The following IL1RAPL2 variants were observed in gnomAD, a reference collection of about 807,000 sequenced individuals.
IL1RAPL2 encodes the protein interleukin 1 receptor accessory protein like 2, also known as X-linked interleukin-1 receptor accessory protein-like 2.
Under a neutral mutation model 44.1 loss-of-function variants are expected in IL1RAPL2, and 3 were observed. That is an observed-to-expected ratio of 0.07 (90% CI 0.03 to 0.18). The LOEUF (loss-of-function observed/expected upper bound fraction) is 0.18. Ranked by LOEUF, IL1RAPL2 falls within the 10% of genes least tolerant of loss-of-function variation. The pLI, the probability that IL1RAPL2 is intolerant of heterozygous loss-of-function variation, is 1.00. For missense variants in IL1RAPL2, 391 were observed against 496.4 expected, an observed-to-expected ratio of 0.79 and a Z score of 2.02; for synonymous variants, 181 against 178.8, an observed-to-expected ratio of 1.01 and a Z score of -0.10.
intron 2 of IL1RAPL2, among the ~76,000 whole-genome samples, chrX:105,083,714 A>C (rs1428184996): frequency 8.0e-5 from 9 of 112,015 alleles, no homozygotes; most frequent in Non-Finnish European, 1.5e-4. Context: ...TATCCAGCCA[A>C]ATAAGTTTCA....
chrX:104,664,134 G>A (rs1330783920), intron 2 of IL1RAPL2, among the ~76,000 whole-genome samples: 1 of 111,143 alleles, frequency 9.0e-6, no homozygotes, highest in East Asian at 2.8e-4. Context: ...GTTTTAGCTG[G>A]ATGCCCAGAT....
chrX:105,402,163 T>C (rs1602395558), intron 5 of IL1RAPL2, among the ~76,000 whole-genome samples: 1 of 111,807 alleles, frequency 8.9e-6, no homozygotes, highest in Non-Finnish European at 1.9e-5. Context: ...TTTTGACTCC[T>C]TTTTTAAAAT....
intron 2 of IL1RAPL2, among the ~76,000 whole-genome samples, chrX:104,947,916 A>G (rs1452685356): frequency 9.0e-6 from 1 of 111,669 alleles, no homozygotes; most frequent in Admixed American, 9.5e-5. Context: ...TTTTGGTTCC[A>G]TATGAACTTT....
rs142689814 is a variant in IL1RAPL2 at position 105,382,952 on chromosome X, C to G, written c.698-101361C>G. Among the ~76,000 whole-genome samples, 894 of 79,433 alleles carry G rather than the reference C, an allele frequency of 0.011. 43 individuals are homozygous for G. In the East Asian group the frequency reaches 0.14, roughly 12 times the overall value. 69.0% of individuals were successfully genotyped at this position (79,433 alleles called of 115,157 possible). A position where few individuals can be genotyped will look rare whatever the true frequency, so the allele number is the denominator to read the frequency against. ...CATGGGCACAGAAAGGGGAACATCA[C>G]ACACTGGGGCCTGTTGTGGGGTGGG... On this transcript the variant is annotated intron_variant, in intron 5 of 10. Transcript: ENST00000372582.
At chrX:105,503,905 G>A in intron 6 of IL1RAPL2, among the ~76,000 whole-genome samples, 1 of 111,349 alleles carries the variant, frequency 9.0e-6, no homozygotes, top group Non-Finnish European at 1.9e-5. Flanking sequence ...CACTCTTCAT[G>A]TAAGGTCACC....
chrX:104,903,122 AC>A (rs1923866566), intron 2 of IL1RAPL2, among the ~76,000 whole-genome samples: 1 of 111,624 alleles, frequency 9.0e-6, no homozygotes, highest in Admixed American at 9.6e-5. Context: ...AATAGCCAAA[AC>A]CTTTTTATTC....
At chrX:105,271,594 T>C (rs1180687907) in intron 5 of IL1RAPL2, among the ~76,000 whole-genome samples, 2 of 110,818 alleles carry the variant, frequency 1.8e-5, no homozygotes, top group African/African-American at 3.3e-5. Context: ...TCTCTAGGGA[T>C]AAGAAGAGAA....
chrX:105,305,531 C>G (rs1017367987), intron 5 of IL1RAPL2, among the ~76,000 whole-genome samples: 2 of 110,759 alleles, frequency 1.8e-5, no homozygotes, highest in African/African-American at 6.6e-5. Flanking sequence ...CCTTCCCTCC[C>G]CCAACTTTCT....
chrX:104,848,447 ATAT>A (rs1922125925), intron 2 of IL1RAPL2, among the ~76,000 whole-genome samples: 1 of 86,710 alleles, frequency 1.2e-5, no homozygotes. Context: ...ATATATATAT[ATAT>A]AACTTAAACA....
At chrX:104,892,466 A>G (rs918849950) in intron 2 of IL1RAPL2, among the ~76,000 whole-genome samples, 1 of 111,360 alleles carries the variant, frequency 9.0e-6, no homozygotes, top group Non-Finnish European at 1.9e-5. Flanking sequence ...CCTCAATTTC[A>G]GAGACTGTTA....
chrX:104,951,780 A>G (rs1925592490), intron 2 of IL1RAPL2, among the ~76,000 whole-genome samples: 1 of 112,606 alleles, frequency 8.9e-6, no homozygotes, highest in African/African-American at 3.2e-5. Flanking sequence ...CCTACTTTGC[A>G]AGGATGTAGT....
chrX:105,465,564 T>A (rs901246999), intron 5 of IL1RAPL2, among the ~76,000 whole-genome samples: 2 of 112,100 alleles, frequency 1.8e-5, no homozygotes, highest in African/African-American at 6.5e-5. Flanking sequence ...GTTAATATTC[T>A]TCTCAAATTT....
chrX:104,681,351 A>G (rs180804661), intron 2 of IL1RAPL2, among the ~76,000 whole-genome samples: 6 of 112,466 alleles, frequency 5.3e-5, no homozygotes, highest in South Asian at 3.7e-4. Flanking sequence ...TTGGAGAAGT[A>G]CAAGTTCCCC....
intron 2 of IL1RAPL2, among the ~76,000 whole-genome samples, chrX:104,798,910 A>G (rs1932868019): frequency 9.0e-6 from 1 of 111,271 alleles, no homozygotes; most frequent in African/African-American, 3.3e-5. Context: ...TAATGAAAAC[A>G]TGTCCACATG....
chrX:105,438,924 G>C (rs2035899963), intron 5 of IL1RAPL2, among the ~76,000 whole-genome samples: 1 of 110,705 alleles, frequency 9.0e-6, no homozygotes, highest in Admixed American at 9.7e-5. Context: ...GGAGGGACCT[G>C]GTGGAAGGTT....
intron 2 of IL1RAPL2, among the ~76,000 whole-genome samples, chrX:104,696,665 CA>C (rs1931187894): frequency 9.0e-6 from 1 of 111,383 alleles, no homozygotes; most frequent in Non-Finnish European, 1.9e-5. Flanking sequence ...AATAGTTGAC[CA>C]GCCAGTATTG....
At chrX:105,124,648 A>G (rs1037372941) in intron 2 of IL1RAPL2, among the ~76,000 whole-genome samples, 23 of 110,168 alleles carry the variant, frequency 2.1e-4, no homozygotes, top group African/African-American at 6.2e-4. Context: ...TGCATGTTCA[A>G]TCCTTTCTTG....
chrX:105,755,286 C>T lies in IL1RAPL2; in HGVS notation c.1302C>T (p.Val434=), dbSNP rs138506321. Residue 434 remains valine (V), a synonymous_variant, in exon 10 of 11, where the codon GTC becomes GTT. Coordinates refer to ENST00000372582, the MANE Select transcript of IL1RAPL2 (RefSeq NM_017416.2). ...TTGCTCTTGAAGTACTGCCAGATGT[C>T]CTGGAAAAACACTATGGATATAAAC... ...EQFALEVLPD[V]LEKHYGYKLF... 10 of 1,201,347 alleles carry T rather than the reference C, an allele frequency of 8.3e-6. No homozygotes were observed. The highest frequency in any genetic ancestry group is 2.2e-5 in the Admixed American group (1 of 45,695).
intron 4 of IL1RAPL2, among the ~76,000 whole-genome samples, chrX:105,240,204 G>T (rs782043942): frequency 6.4e-4 from 72 of 112,667 alleles, no homozygotes; most frequent in Non-Finnish European, 1.2e-3. Context: ...CAAGGCAGCT[G>T]CCCTGGTTCT....
Sources: allele counts gnomAD v4.1 joint callset (sites outside exome capture counted in the v4.1 genomes callset), GRCh38; gene constraint gnomAD v4.1.1; transcripts MANE v1.5; gene names NCBI Gene and HGNC (gene_info 2026-07-23, HGNC 2026-07-21).